SUPT3H: variants seen among roughly 807,000 people sequenced by gnomAD.
SUPT3H encodes the protein SPT3 homolog, SAGA and STAGA complex component, also known as transcription initiation protein SPT3 homolog.
A neutral mutation model predicts 44.3 loss-of-function variants in SUPT3H; 44 were observed. That is an observed-to-expected ratio of 0.99 (90% CI 0.78 to 1.28). The LOEUF (loss-of-function observed/expected upper bound fraction) is 1.28, where lower values mean the gene tolerates loss of function less well. SUPT3H is among the 50% of genes most tolerant of loss of function. The pLI is 0.00. For missense variants in SUPT3H, 380 were observed against 387.1 expected (o/e 0.98, Z 0.15); for synonymous variants, 124 against 125.6 (o/e 0.99, Z 0.09).
At chr6:45,079,410 AGAAGGAAGAAGAAGGGGGAAGAGG>A (rs1795470185) in intron 3 of SUPT3H, among the ~76,000 whole-genome samples, 1 of 148,502 alleles carries the variant, frequency 6.7e-6, no homozygotes, top group Admixed American at 6.8e-5. Flanking sequence ...AGTGGGGAGG[AGAAGGAAGAAGAAGGGGGAAGAGG>A]AGGAAGAAGA....
At chr6:45,365,641 A>G (rs998006223) in intron 1 of SUPT3H, among the ~76,000 whole-genome samples, 5 of 148,442 alleles carry the variant, frequency 3.4e-5, no homozygotes, top group African/African-American at 1.0e-4. Context: ...CCTACGGTTC[A>G]TCAGCAATGC....
In SUPT3H at chr6:44,861,962, A is replaced by G. The variant is rs181472606; in HGVS notation, c.913-32105T>C. On this transcript the variant is annotated intron_variant, in intron 10 of 10. Coordinates refer to ENST00000371459, the MANE Select transcript of SUPT3H (RefSeq NM_003599.4). ...AAGTTTCAAAGCCACTGAAAAGTTG[A>G]CAGTACCTATAATACACCTTCTGAC... is the stretch of plus-strand genomic sequence containing the variant. Among the ~76,000 whole-genome samples, 301 of 152,298 alleles carry G rather than the reference A, an allele frequency of 2.0e-3. 2 individuals are homozygous for G. The highest frequency in any genetic ancestry group is 0.019 in the Admixed American group (290 of 15,292).
downstream of SUPT3H, among the ~76,000 whole-genome samples, chr6:44,823,971 C>CA (rs1210525346): frequency 6.6e-6 from 1 of 151,994 alleles, no homozygotes; most frequent in African/African-American, 2.4e-5. Flanking sequence ...CTCAAAAACA[C>CA]AAAAAACAAA....
At chr6:45,078,284 A>G (rs1398318040) in intron 3 of SUPT3H, among the ~76,000 whole-genome samples, 2 of 152,214 alleles carry the variant, frequency 1.3e-5, no homozygotes, top group Admixed American at 1.3e-4. Context: ...TGTTGGTCAC[A>G]TAAAAATACT....
intron 3 of SUPT3H, among the ~76,000 whole-genome samples, chr6:45,075,972 A>C (rs1012830662): frequency 6.6e-6 from 1 of 151,536 alleles, no homozygotes; most frequent in African/African-American, 2.4e-5. Flanking sequence ...TAATTAGTTC[A>C]TATAATATAT....
At chr6:45,136,561 T>A (rs999193317) in intron 2 of SUPT3H, among the ~76,000 whole-genome samples, 25 of 150,374 alleles carry the variant, frequency 1.7e-4, no homozygotes, top group African/African-American at 5.9e-4. Context: ...AAGGAAAGTA[T>A]AACAACAATA....
At chr6:44,961,880 T>A (rs944954411) in intron 6 of SUPT3H, 52 bp from the exon 7 acceptor site, 2 of 1,388,594 alleles carry the variant, frequency 1.4e-6, no homozygotes, top group Non-Finnish European at 2.0e-6. Flanking sequence ...TTATTATATA[T>A]GTTTTCACAG....
chr6:45,110,547 G>A (rs1440326245), intron 2 of SUPT3H, among the ~76,000 whole-genome samples: 1 of 146,304 alleles, frequency 6.8e-6, no homozygotes, highest in Non-Finnish European at 1.5e-5. Context: ...CCTTTTCAGT[G>A]CTTTCTAACA....
chr6:45,155,413 G>C (rs1223215843), intron 2 of SUPT3H, among the ~76,000 whole-genome samples: 2 of 152,128 alleles, frequency 1.3e-5, no homozygotes, highest in Admixed American at 1.3e-4. Flanking sequence ...TGAGGGAAGG[G>C]GCTGATGTGG....
intron 2 of SUPT3H, among the ~76,000 whole-genome samples, chr6:45,162,131 A>G (rs773233383): frequency 2.0e-5 from 3 of 152,140 alleles, no homozygotes; most frequent in Non-Finnish European, 2.9e-5. Context: ...CCTGACAGGC[A>G]GGTCTTTGCC....
intron 2 of SUPT3H, among the ~76,000 whole-genome samples, chr6:45,312,686 G>C (rs982490842): frequency 2.4e-4 from 33 of 138,448 alleles, no homozygotes; most frequent in East Asian, 6.9e-4. Flanking sequence ...ATAATGTGGG[G>C]GGGGGGGGGG....
At chr6:45,205,990 T>C (rs1763170312) in intron 2 of SUPT3H, among the ~76,000 whole-genome samples, 1 of 152,138 alleles carries the variant, frequency 6.6e-6, no homozygotes, top group Non-Finnish European at 1.5e-5. Flanking sequence ...GTCACAGTGC[T>C]GGAGTTTGAA....
intron 3 of SUPT3H, among the ~76,000 whole-genome samples, chr6:45,036,577 G>A (rs1787707706): frequency 6.6e-6 from 1 of 152,032 alleles, no homozygotes; most frequent in African/African-American, 2.4e-5. Flanking sequence ...CATTCTAACT[G>A]TTTAAGTTAT....
At chr6:45,253,615 A>G (rs1303558290) in intron 2 of SUPT3H, among the ~76,000 whole-genome samples, 1 of 151,822 alleles carries the variant, frequency 6.6e-6, no homozygotes, top group African/African-American at 2.4e-5. Flanking sequence ...ACCTAAGCAG[A>G]ACCTTGTCTC....
intron 3 of SUPT3H, among the ~76,000 whole-genome samples, chr6:45,070,078 T>C (rs886498805): frequency 6.6e-6 from 1 of 152,158 alleles, no homozygotes; most frequent in Non-Finnish European, 1.5e-5. Flanking sequence ...AGGACTTCTA[T>C]CAGAGTCTGC....
intron 3 of SUPT3H, among the ~76,000 whole-genome samples, chr6:45,060,392 C>T (rs1338999590): frequency 6.6e-6 from 1 of 151,962 alleles, no homozygotes; most frequent in Non-Finnish European, 1.5e-5. Context: ...AACTGGCTGG[C>T]CATATGCAGA....
intron 2 of SUPT3H, among the ~76,000 whole-genome samples, chr6:45,260,718 A>G (rs1473908952): frequency 6.6e-6 from 1 of 152,148 alleles, no homozygotes; most frequent in African/African-American, 2.4e-5. Context: ...CCTCTTTATG[A>G]AAAATAAAAA....
At position 45,307,315 on chromosome 6, in the gene SUPT3H, GCCT is replaced by G. The variant is rs1486136061; in HGVS notation, c.101+57883_101+57885del. ...CTGGAGGTCTGAGAACAGACAGACT[GCCT>G]CCTCAAGTGGGTCCCTGACACCCGA... On this transcript the variant is annotated intron_variant, in intron 2 of 10. Transcript: ENST00000371459. 3.5e-4 allele frequency among the ~76,000 whole-genome samples: 53 copies of G among 152,342 alleles called. 1 individual carries two copies. The highest frequency in any genetic ancestry group is 3.3e-3 in the Admixed American group (51 of 15,310).
At chr6:44,995,569 G>GA (rs1781163524) in intron 6 of SUPT3H, among the ~76,000 whole-genome samples, 1 of 151,966 alleles carries the variant, frequency 6.6e-6, no homozygotes, top group Admixed American at 6.6e-5. Flanking sequence ...CTCTAGATGA[G>GA]AAAAAATCAA....
Sources: allele counts gnomAD v4.1 joint callset (sites outside exome capture counted in the v4.1 genomes callset), GRCh38; gene constraint gnomAD v4.1.1; transcripts MANE v1.5; gene names NCBI Gene and HGNC (gene_info 2026-07-23, HGNC 2026-07-21).